The following GRK4 variants were observed in gnomAD, a reference collection of about 807,000 sequenced individuals.
GRK4 encodes the protein G protein-coupled receptor kinase 2-like.
Under a neutral mutation model 77.9 loss-of-function variants are expected in GRK4, and 73 were observed. The observed-to-expected ratio is 0.94, with a 90% CI of 0.78 to 1.14. The LOEUF is 1.14. Among genes scored for constraint, GRK4 ranks in the 50% most tolerant of loss-of-function variants. GRK4 has a pLI of 0.00. For missense variants in GRK4, 729 were observed against 700.2 expected, an observed-to-expected ratio of 1.04 and a Z score of -0.46; for synonymous variants, 257 against 254.4, an observed-to-expected ratio of 1.01 and a Z score of -0.10.
rs114372750 is a variant in GRK4, at chr4:3,031,469, C to T, written c.1269+2060C>T. Among the ~76,000 whole-genome samples, 179 of 152,298 alleles carry T rather than the reference C, an allele frequency of 1.2e-3. 1 individual carries two copies. Among genetic ancestry groups the T allele is most frequent in the African/African-American group, 4.1e-3 (172 of 41,538 alleles). ...CACCTGGACGGTGCAGGCTCAGAGC[C>T]AGCAGGGAGCTGCACTCGCCCAGCT... On this transcript the variant is annotated intron_variant, in intron 12 of 15. Transcript: ENST00000398052.
In GRK4 at chr4:2,963,758, A is replaced by C; in HGVS notation, c.-313A>C. On this transcript the variant is annotated 5_prime_UTR_variant, in exon 1 of 16. Coordinates refer to ENST00000398052, the MANE Select transcript of GRK4 (RefSeq NM_182982.3). ...CACTGAGGAGGGAGTTGCGCGCGCG[A>C]GGCGAGGGCGATGGGGCCAAGAAGA... 2.2e-6 allele frequency: 1 copy of C among 447,892 alleles called. No individual in the cohort carries two copies. The highest frequency in any genetic ancestry group is 4.0e-6 in the Non-Finnish European group (1 of 253,104). The allele number at this position is 447,892 out of a possible 1,614,324, so 27.7% of individuals were successfully genotyped here.
rs35993504 is a variant in GRK4 at position 2,995,506 on chromosome 4, T to TAA, written c.339+3238_339+3239dup. Among the ~76,000 whole-genome samples, 183 of 93,958 alleles carry TAA rather than the reference T, an allele frequency of 1.9e-3. 4 individuals carry two copies. The highest frequency in any genetic ancestry group is 8.5e-4 in the Non-Finnish European group (41 of 48,474). 61.6% of individuals were successfully genotyped at this position (93,958 alleles called of 152,430 possible). Reference sequence around the variant, plus strand: ...CAACATGGTGAAACCTCATCTCTACTAAAAAAAAAAAAAAAAAAAAAAAAA... The same window carrying TAA: ...CAACATGGTGAAACCTCATCTCTACTAAAAAAAAAAAAAAAAAAAAAAAAAAA... On this transcript the variant is annotated intron_variant, in intron 4 of 15. Coordinates refer to ENST00000398052, the MANE Select transcript of GRK4 (RefSeq NM_182982.3).
At position 2,965,810 on chromosome 4, in the gene GRK4, G is replaced by C. The variant is rs531166941; in HGVS notation, c.52+1688G>C. On this transcript the variant is annotated intron_variant, in intron 1 of 15. Transcript: ENST00000398052. ...CCCTTAAGATAATCAGGGAGTCCCA[G>C]AGCAGTATGCGTTCTCAGCAGCCAT... The C allele has an allele frequency of 8.0e-4, 241 of 301,686 alleles. 1 individual carries two copies. Among genetic ancestry groups the C allele is most frequent in the Non-Finnish European group, 1.3e-3 (197 of 155,620 alleles). 18.7% of individuals were successfully genotyped at this position (301,686 alleles called of 1,614,324 possible). A position where few individuals can be genotyped will look rare whatever the true frequency, so the allele number is the denominator to read the frequency against.
chr4:3,033,950 G>A (rs905331844), intron 12 of GRK4, among the ~76,000 whole-genome samples: 53 of 152,212 alleles, frequency 3.5e-4, no homozygotes, highest in African/African-American at 6.3e-4. Context: ...GTTACTGAGC[G>A]CCTGCTCTGG....
chr4:2,984,039 C>A (rs977979355), intron 1 of GRK4, among the ~76,000 whole-genome samples: 2 of 152,120 alleles, frequency 1.3e-5, no homozygotes, highest in Non-Finnish European at 2.9e-5. Context: ...CTGGTCCCTC[C>A]CTCGACATGT....
intron 13 of GRK4, 21 bp from the exon 14 acceptor site, chr4:3,037,353 G>T (rs984804888): frequency 2.6e-6 from 4 of 1,566,496 alleles, no homozygotes; most frequent in African/African-American, 1.3e-5. Context: ...CTCAGAGGCT[G>T]CCCCTGTTCT....
chr4:3,034,923 A>G (rs955313334), intron 12 of GRK4, among the ~76,000 whole-genome samples: 1 of 152,164 alleles, frequency 6.6e-6, no homozygotes, highest in Non-Finnish European at 1.5e-5. Flanking sequence ...TTTAATGAGT[A>G]AAGTCTGAGT....
intron 10 of GRK4, among the ~76,000 whole-genome samples, chr4:3,027,016 A>G (rs1053838325): frequency 3.9e-5 from 6 of 152,346 alleles, no homozygotes; most frequent in Non-Finnish European, 8.8e-5. Context: ...TAATCTTTCT[A>G]CACACTCAAC....
intron 1 of GRK4, among the ~76,000 whole-genome samples, chr4:2,978,632 T>A (rs1040844271): frequency 6.6e-6 from 1 of 152,126 alleles, no homozygotes; most frequent in Non-Finnish European, 1.5e-5. Flanking sequence ...GAGCATCTTA[T>A]CTCAATTGCT....
intron 4 of GRK4, among the ~76,000 whole-genome samples, chr4:3,003,252 C>A (rs1243889133): frequency 6.6e-6 from 1 of 152,032 alleles, no homozygotes; most frequent in Non-Finnish European, 1.5e-5. Flanking sequence ...GGCAGTGGCA[C>A]AATCTCAGCT....
chr4:3,032,319 A>ACT (rs34130262), intron 12 of GRK4, among the ~76,000 whole-genome samples: 8 of 40,122 alleles, frequency 2.0e-4, no homozygotes, highest in Non-Finnish European at 1.2e-4. Flanking sequence ...TATCTCTACT[A>ACT]AAAAAAAAAT....
chr4:3,027,901 T>G lies in GRK4; in HGVS notation c.971-11T>G. ...CCCGTGACCTGTGTAATAACATATT[T>G]GAACACACAGGACACATCCGGATTT... On this transcript the variant is annotated splice_polypyrimidine_tract_variant and intron_variant, in intron 10 of 15. Coordinates refer to ENST00000398052, the MANE Select transcript of GRK4 (RefSeq NM_182982.3). 1 of 1,612,914 alleles carries G rather than the reference T, an allele frequency of 6.2e-7. No individual in the cohort carries two copies. Among genetic ancestry groups the G allele is most frequent in the Non-Finnish European group, 8.5e-7 (1 of 1,178,876 alleles).
chr4:3,034,164 G>A (rs1470260576), intron 12 of GRK4, among the ~76,000 whole-genome samples: 1 of 152,204 alleles, frequency 6.6e-6, no homozygotes, highest in African/African-American at 2.4e-5. Context: ...AGGTATGGGG[G>A]CCAGAAAGCT....
chr4:3,029,021 C>A (rs1738398811), intron 11 of GRK4, among the ~76,000 whole-genome samples, 180 bp from the exon 12 acceptor site: 1 of 152,198 alleles, frequency 6.6e-6, no homozygotes. Flanking sequence ...ATCTGCCTGC[C>A]TTCGCCTCCC....
intron 2 of GRK4, among the ~76,000 whole-genome samples, chr4:2,987,475 G>A (rs1270856516): frequency 1.3e-5 from 2 of 152,166 alleles, no homozygotes; most frequent in African/African-American, 4.8e-5. Flanking sequence ...ACAGTTCGGT[G>A]GCATTGAGTT....
At chr4:2,964,153 C>CG (rs762300034) in intron 1 of GRK4, 31 bp downstream of exon 1, 1 of 1,559,172 alleles carries the variant, frequency 6.4e-7, no homozygotes, top group South Asian at 1.2e-5. Flanking sequence ...CCCGACCCCC[C>CG]CCCCAGAGAA....
Position 3,037,642 on chromosome 4 carries a change from C to T in GRK4, c.1545+131C>T, listed in dbSNP as rs562645379. Reference sequence around the variant, plus strand: ...GATAAAATTATATAAGACGGCTGGGCGCAGTGGCTCACGCCTGTAATCCCA... The same window carrying T: ...GATAAAATTATATAAGACGGCTGGGTGCAGTGGCTCACGCCTGTAATCCCA... On this transcript the variant is annotated intron_variant, in intron 14 of 15. Coordinates refer to ENST00000398052, the MANE Select transcript of GRK4 (RefSeq NM_182982.3). 51 of 1,065,286 alleles carry T rather than the reference C, an allele frequency of 4.8e-5. 1 individual carries two copies. The highest frequency in any genetic ancestry group is 1.3e-4 in the East Asian group (5 of 37,214). The allele number at this position is 1,065,286 out of a possible 1,614,324, so 66.0% of individuals were successfully genotyped here.
At chr4:3,021,268 C>T (rs569621415) in intron 9 of GRK4, among the ~76,000 whole-genome samples, 197 of 152,276 alleles carry the variant, frequency 1.3e-3, no homozygotes, top group African/African-American at 4.6e-3. Context: ...CACTCTCCAC[C>T]CAGCCCCTCT....
At chr4:3,019,923 G>A (rs1735607999) in intron 9 of GRK4, 92 bp downstream of exon 9, 4 of 1,241,104 alleles carry the variant, frequency 3.2e-6, no homozygotes, top group Non-Finnish European at 4.5e-6. Context: ...CTGCTTCCAG[G>A]ATGGGCAGGA....
Sources: allele counts gnomAD v4.1 joint callset (sites outside exome capture counted in the v4.1 genomes callset), GRCh38; gene constraint gnomAD v4.1.1; transcripts MANE v1.5; gene names NCBI Gene and HGNC (gene_info 2026-07-23, HGNC 2026-07-21).